PCDHGA1: variants seen among roughly 807,000 people sequenced by gnomAD.
PCDHGA1 encodes protocadherin gamma-A1.
Under a neutral mutation model 58.0 loss-of-function variants are expected in PCDHGA1, and 32 were observed. The ratio of observed to expected loss-of-function variants is 0.55; its 90% confidence interval spans 0.42 to 0.74. The LOEUF (loss-of-function observed/expected upper bound fraction) is 0.74. Ranked by LOEUF, PCDHGA1 falls within the 30% of genes least tolerant of loss-of-function variation. PCDHGA1 has a pLI of 0.00. For synonymous variants in PCDHGA1, 498 were observed against 501.1 expected, an observed-to-expected ratio of 0.99 and a Z score of 0.08; for missense variants, 1,205 against 1,182.3, an observed-to-expected ratio of 1.02 and a Z score of -0.28.
chr5:141,344,278 G>T (rs757495940), intron 1 of PCDHGA1: 2 of 1,614,098 alleles, frequency 1.2e-6, no homozygotes, highest in South Asian at 2.2e-5. Context: ...CCGCAAAGCG[G>T]CAGCTTGGTC....
At chr5:141,444,670 C>G (rs1174911888) in intron 1 of PCDHGA1, among the ~76,000 whole-genome samples, 1 of 152,052 alleles carries the variant, frequency 6.6e-6, no homozygotes, top group African/African-American at 2.4e-5. Context: ...CCATTTTTTT[C>G]AATACCATTT....
At chr5:141,393,211 T>G (rs1310978287) in intron 1 of PCDHGA1, 3 of 1,613,502 alleles carry the variant, frequency 1.9e-6, no homozygotes, top group Non-Finnish European at 1.7e-6. Flanking sequence ...AACCCAAAAT[T>G]CCAGGTCGAA....
intron 1 of PCDHGA1, among the ~76,000 whole-genome samples, chr5:141,460,983 G>GTA (rs59296681): frequency 9.4e-4 from 130 of 137,840 alleles, no homozygotes; most frequent in Middle Eastern, 3.8e-3. Context: ...GTGTGTGTGT[G>GTA]TATATATATA....
At chr5:141,492,382 T>C (rs71583650) in intron 1 of PCDHGA1, among the ~76,000 whole-genome samples, 2,103 of 152,322 alleles carry the variant, frequency 0.014, 36 homozygotes, top group African/African-American at 0.031. Flanking sequence ...ACAGGCCTGT[T>C]CCGGTCCACT....
rs545147450 is a variant in PCDHGA1 at position 141,380,989 on chromosome 5, A to C, written c.2421+47884A>C. On this transcript the variant is annotated intron_variant, in intron 1 of 3. Transcript: ENST00000517417. ...TATTAAACAAATAGAATTTAACTCC[A>C]GTTTACAGAATTCATCTATAATACC... is the stretch of plus-strand genomic sequence containing the variant. Among the ~76,000 whole-genome samples, 4 of 152,258 alleles carry C rather than the reference A, an allele frequency of 2.6e-5. No homozygotes were observed. In the South Asian group the frequency reaches 8.3e-4, roughly 32 times the overall value.
At chr5:141,450,004 C>CTTTAT (rs2098662217) in intron 1 of PCDHGA1, among the ~76,000 whole-genome samples, 1 of 75,148 alleles carries the variant, frequency 1.3e-5, no homozygotes, top group Non-Finnish European at 2.3e-5. Flanking sequence ...GTTGCCATGT[C>CTTTAT]TCTTTTTTTT....
intron 1 of PCDHGA1, chr5:141,370,604 A>G (rs1263925299): frequency 6.2e-7 from 1 of 1,613,888 alleles, no homozygotes; most frequent in Non-Finnish European, 8.5e-7. Flanking sequence ...GGGTTATTGC[A>G]GAGAAGAAAT....
chr5:141,478,246 C>T (rs1305046488), intron 1 of PCDHGA1: 1 of 1,614,100 alleles, frequency 6.2e-7, no homozygotes, highest in Admixed American at 1.7e-5. Context: ...TCACAGTGTT[C>T]GGAGTAATCA....
intron 1 of PCDHGA1, chr5:141,427,665 G>A (rs763897261): frequency 1.3e-5 from 10 of 782,298 alleles, no homozygotes; most frequent in Admixed American, 3.9e-5. Flanking sequence ...CCACGTGGCC[G>A]AAAACAACCT....
intron 1 of PCDHGA1, chr5:141,342,420 G>A (rs1757158722): frequency 6.6e-6 from 1 of 152,140 alleles, no homozygotes; most frequent in African/African-American, 2.4e-5. Context: ...GCACACTAAT[G>A]TTCTATGTAA....
chr5:141,503,161 T>C (rs1035413931), intron 2 of PCDHGA1, among the ~76,000 whole-genome samples: 3 of 152,054 alleles, frequency 2.0e-5, no homozygotes, highest in Admixed American at 1.3e-4. Context: ...AGTATCACAA[T>C]TGCAATTACT....
chr5:141,373,958 C>T, intron 1 of PCDHGA1: 1 of 917,866 alleles, frequency 1.1e-6, no homozygotes, highest in Non-Finnish European at 1.5e-6. Context: ...AAATTCTGAC[C>T]TGAAACGCTT....
Position 141,491,726 on chromosome 5 carries a change from C to A in PCDHGA1, c.2422-3081C>A, listed in dbSNP as rs1018940432. ...GTGAGGGGCTCGGCGCCGCCCCGGG[C>A]GACCCCTGGGGGCGGCACTGGAGAA... On this transcript the variant is annotated intron_variant, in intron 1 of 3. Coordinates refer to ENST00000517417, the MANE Select transcript of PCDHGA1 (RefSeq NM_018912.3). This position sits in a 1 kb window ranked among gnomAD's most constrained non-coding sequence, Gnocchi z 6.9. 2.2e-5 allele frequency: 36 copies of A among 1,605,766 alleles called. No individual in the cohort carries two copies. Among genetic ancestry groups the A allele is most frequent in the African/African-American group, 4.0e-5 (3 of 74,588 alleles).
At chr5:141,430,883 G>T in intron 1 of PCDHGA1, 1 of 1,601,036 alleles carries the variant, frequency 6.2e-7, no homozygotes, top group Non-Finnish European at 8.5e-7. Context: ...GCTGGAGAAA[G>T]GCTCTAGGGT....
At chr5:141,369,788 C>G (rs187476843) in intron 1 of PCDHGA1, among the ~76,000 whole-genome samples, 1 of 152,338 alleles carries the variant, frequency 6.6e-6, no homozygotes, top group East Asian at 1.9e-4. Context: ...CCTCTTTATA[C>G]TACGTCTTCT....
intron 1 of PCDHGA1, among the ~76,000 whole-genome samples, chr5:141,401,792 T>C (rs1359997438): frequency 6.6e-6 from 1 of 152,212 alleles, no homozygotes; most frequent in Non-Finnish European, 1.5e-5. Context: ...CCTTAGTATG[T>C]GATTCAGTAA....
chr5:141,376,095 T>A, intron 1 of PCDHGA1: 10 of 1,613,628 alleles, frequency 6.2e-6, no homozygotes, highest in Non-Finnish European at 8.5e-6. Flanking sequence ...ATCCCCGACA[T>A]CCTGGCCGAC....
At chr5:141,360,326 G>A (rs1761537998) in intron 1 of PCDHGA1, 4 of 1,613,816 alleles carry the variant, frequency 2.5e-6, no homozygotes, top group Non-Finnish European at 2.5e-6. Flanking sequence ...TTGCCAGCCC[G>A]GAAGCTGCGG....
At chr5:141,499,689 CTTTTTTTTTTT>C in intron 2 of PCDHGA1, among the ~76,000 whole-genome samples, 1 of 119,852 alleles carries the variant, frequency 8.3e-6, no homozygotes, top group Non-Finnish European at 1.7e-5. Context: ...TAACAGATGA[CTTTTTTTTTTT>C]TTTTTTTTTT....
Sources: gnomAD v4.1 joint callset for allele counts (sites outside exome capture counted in the v4.1 genomes callset) on GRCh38, gnomAD v4.1.1 for gene constraint, Gnocchi (gnomAD v3.1) non-coding constraint, MANE v1.5 for transcripts, NCBI Gene and HGNC (gene_info 2026-07-23, HGNC 2026-07-21) for gene names.